Variants in CCBE1 observed in about 807,000 individuals in gnomAD.
CCBE1 encodes the protein collagen and calcium-binding EGF domain-containing protein 1.
A neutral mutation model predicts 50.0 loss-of-function variants in CCBE1; 37 were observed. The observed-to-expected ratio is 0.74, with a 90% CI of 0.57 to 0.97. The LOEUF (loss-of-function observed/expected upper bound fraction) is 0.97. CCBE1 is among the 50% of genes least tolerant of loss of function. The probability of loss-of-function intolerance (pLI) is 0.00; values close to 1 mark genes in which losing one functional copy is unlikely to be tolerated. For synonymous variants in CCBE1, 234 were observed against 203.7 expected, an observed-to-expected ratio of 1.15 and a Z score of -1.27; for missense variants, 538 against 523.8, an observed-to-expected ratio of 1.03 and a Z score of -0.26.
intron 2 of CCBE1, among the ~76,000 whole-genome samples, chr18:59,512,592 C>T (rs894709692): frequency 6.6e-6 from 1 of 152,236 alleles, no homozygotes; most frequent in African/African-American, 2.4e-5. Flanking sequence ...CAGAGAGGCA[C>T]GAAGTGCTGA....
At chr18:59,561,803 C>T (rs1241136474) in intron 2 of CCBE1, among the ~76,000 whole-genome samples, 1 of 152,184 alleles carries the variant, frequency 6.6e-6, no homozygotes, top group Non-Finnish European at 1.5e-5. Flanking sequence ...GGAGAGCCGG[C>T]TGTGCAGCTG....
intron 2 of CCBE1, among the ~76,000 whole-genome samples, chr18:59,674,576 A>T (rs2054474548): frequency 6.6e-6 from 1 of 152,162 alleles, no homozygotes. Flanking sequence ...TATGTAACAA[A>T]CCTGCATGTC....
At chr18:59,473,689 A>G (rs1332038438) in intron 3 of CCBE1, among the ~76,000 whole-genome samples, 14 of 99,472 alleles carry the variant, frequency 1.4e-4, no homozygotes, top group African/African-American at 5.6e-4. Context: ...TCACCATCCA[A>G]CCCTCCCACT....
chr18:59,463,184 C>T (rs73452406), intron 5 of CCBE1, among the ~76,000 whole-genome samples: 4,941 of 145,276 alleles, frequency 0.034, 258 homozygotes, highest in African/African-American at 0.11. Flanking sequence ...CCCTTTCCCA[C>T]CCTAGCCTGC....
Position 59,466,801 on chromosome 18 carries a change from C to A in CCBE1, c.491G>T (p.Gly164Val). The A allele has an allele frequency of 6.2e-7, 1 of 1,613,806 alleles. No individual in the cohort carries two copies. The highest frequency in any genetic ancestry group is 8.5e-7 in the Non-Finnish European group (1 of 1,179,958). Residue 164 changes from glycine (G) to valine (V), a missense_variant, in exon 5 of 11, where the codon GGC (glycine) becomes GTC (valine). By Grantham distance (109) the Gly-to-Val change is moderately radical (BLOSUM62 -3). Transcript: ENST00000439986. ...LGSYRCECREGYIREDDGKTC... is the reference protein window; with the variant it reads ...LGSYRCECREVYIREDDGKTC... Reference sequence around the variant, plus strand: ...CTTCCCATCATCTTCCCGGATGTAGCCTTCCCGGCACTCGCAGCGGTAGCT... The same window carrying A: ...CTTCCCATCATCTTCCCGGATGTAGACTTCCCGGCACTCGCAGCGGTAGCT...
intron 5 of CCBE1, among the ~76,000 whole-genome samples, chr18:59,457,831 A>G (rs1414884269): frequency 6.6e-6 from 1 of 152,184 alleles, no homozygotes; most frequent in Non-Finnish European, 1.5e-5. Context: ...ATGGAGCTTG[A>G]ATACTCCTGA....
intron 2 of CCBE1, among the ~76,000 whole-genome samples, chr18:59,612,970 A>C (rs527612933): frequency 3.9e-5 from 6 of 152,180 alleles, no homozygotes; most frequent in African/African-American, 1.4e-4. Flanking sequence ...GAGACTGTGA[A>C]GAGAGGGCAT....
At chr18:59,604,237 G>A (rs530585109) in intron 2 of CCBE1, among the ~76,000 whole-genome samples, 24 of 152,298 alleles carry the variant, frequency 1.6e-4, no homozygotes, top group African/African-American at 5.8e-4. Context: ...GAAGCAGCAT[G>A]CTACCCTCTT....
At chr18:59,525,043 G>T (rs778673131) in intron 2 of CCBE1, among the ~76,000 whole-genome samples, 1 of 152,130 alleles carries the variant, frequency 6.6e-6, no homozygotes, top group Non-Finnish European at 1.5e-5. Context: ...ACATACATGT[G>T]CATGTATCTT....
Position 59,697,214 on chromosome 18 carries a change from G to A in CCBE1, c.129C>T (p.Asp43=), listed in dbSNP as rs772767605. The A allele has an allele frequency of 2.1e-5, 32 of 1,548,616 alleles. 1 individual carries two copies. In the South Asian group the frequency reaches 2.9e-4, roughly 14 times the overall value. Residue 43 remains aspartate, a splice_region_variant and synonymous_variant, in exon 1 of 11, where the codon GAC becomes GAT. Transcript: ENST00000439986. ...WTYREEPEDG[D]REICSESKIA... is the part of the protein sequence containing the mutation. The stretch of plus-strand genomic sequence containing the variant: ...CCGCTGGGGCTTGCAGCGCTTACCT[G>A]TCGCCGTCCTCCGGCTCCTCTCTGT...
intron 2 of CCBE1, among the ~76,000 whole-genome samples, chr18:59,681,837 G>A (rs1394281149): frequency 6.6e-6 from 1 of 152,246 alleles, no homozygotes; most frequent in Non-Finnish European, 1.5e-5. Flanking sequence ...GTACTGCAGA[G>A]TCTCCCTCAG....
chr18:59,500,978 T>G (rs1913592198), intron 2 of CCBE1, among the ~76,000 whole-genome samples: 1 of 152,188 alleles, frequency 6.6e-6, no homozygotes, highest in African/African-American at 2.4e-5. Context: ...ATTGGTTCTG[T>G]GATTACACCC....
intron 2 of CCBE1, among the ~76,000 whole-genome samples, chr18:59,606,483 C>T (rs574083740): frequency 1.4e-3 from 219 of 152,318 alleles, no homozygotes; most frequent in African/African-American, 5.1e-3. Context: ...CCATTACAAA[C>T]TGTCTTCAAA....
At chr18:59,575,986 G>C (rs2144497447) in intron 2 of CCBE1, among the ~76,000 whole-genome samples, 1 of 152,276 alleles carries the variant, frequency 6.6e-6, no homozygotes, top group Non-Finnish European at 1.5e-5. Flanking sequence ...AACATTGATT[G>C]CTTTTCTCTA....
At chr18:59,563,401 G>A (rs2052771578) in intron 2 of CCBE1, among the ~76,000 whole-genome samples, 1 of 152,228 alleles carries the variant, frequency 6.6e-6, no homozygotes, top group African/African-American at 2.4e-5. Flanking sequence ...TCAGTAGCAA[G>A]CATCCAGGGT....
intron 7 of CCBE1, among the ~76,000 whole-genome samples, chr18:59,443,163 GCAT>G: frequency 6.6e-6 from 1 of 152,180 alleles, no homozygotes; most frequent in Non-Finnish European, 1.5e-5. Flanking sequence ...AGACCTTTAG[GCAT>G]CATCTATCTT....
intron 2 of CCBE1, among the ~76,000 whole-genome samples, chr18:59,610,698 T>G (rs2053556884): frequency 6.6e-6 from 1 of 152,222 alleles, no homozygotes; most frequent in African/African-American, 2.4e-5. Context: ...ACTTCCTAAG[T>G]GGGCTCCAGA....
intron 2 of CCBE1, among the ~76,000 whole-genome samples, chr18:59,556,871 C>G (rs2052664136): frequency 6.6e-6 from 1 of 152,206 alleles, no homozygotes; most frequent in Admixed American, 6.5e-5. Flanking sequence ...TATACATTTT[C>G]AAACTCTGCT....
intron 2 of CCBE1, among the ~76,000 whole-genome samples, chr18:59,480,813 A>T (rs1481484111): frequency 6.6e-6 from 1 of 152,136 alleles, no homozygotes; most frequent in Non-Finnish European, 1.5e-5. Flanking sequence ...AATGATCTGA[A>T]TTTAAAATAT....
Sources: gnomAD v4.1 joint callset for allele counts (sites outside exome capture counted in the v4.1 genomes callset) on GRCh38, gnomAD v4.1.1 for gene constraint, MANE v1.5 for transcripts, NCBI Gene and HGNC (gene_info 2026-07-23, HGNC 2026-07-21) for gene names.